PPM1H: variants seen among roughly 807,000 people sequenced by gnomAD.
PPM1H encodes protein phosphatase, Mg2+/Mn2+ dependent 1H.
PPM1H carries 27 observed loss-of-function variants against 54.9 expected under a neutral mutation model. That is an observed-to-expected ratio of 0.49 (90% confidence interval 0.36 to 0.68). PPM1H has a LOEUF of 0.68. PPM1H is among the 30% of genes least tolerant of loss of function. The pLI is 0.00. For synonymous variants in PPM1H, 305 were observed against 270.8 expected (o/e 1.13, Z -1.24); for missense variants, 596 against 667.8 (o/e 0.89, Z 1.19).
chr12:62,762,615 G>T lies in PPM1H; in HGVS notation c.870-25029C>A, dbSNP rs564245781. On this transcript the variant is annotated intron_variant, in intron 4 of 9. Transcript: ENST00000228705. ...TAGGGGGAGGATGCTAAGTGAAGAT[G>T]CTATACAATCTGCATCCTTTTTACA... Among the ~76,000 whole-genome samples the T allele has an allele frequency of 1.6e-4, 24 of 152,336 alleles. No individual in the cohort carries two copies. In the South Asian group the frequency reaches 5.0e-3, roughly 32 times the overall value.
chr12:62,664,157 G>T (rs1480929010), intron 9 of PPM1H, among the ~76,000 whole-genome samples: 2 of 152,102 alleles, frequency 1.3e-5, no homozygotes, highest in Non-Finnish European at 2.9e-5. Flanking sequence ...GGATCTTGTG[G>T]CCAGAGGTTC....
At chr12:62,794,984 C>G (rs2076723908) in intron 3 of PPM1H, among the ~76,000 whole-genome samples, 1 of 152,124 alleles carries the variant, frequency 6.6e-6, no homozygotes, top group African/African-American at 2.4e-5. Context: ...CGCTACATAG[C>G]CTTCACACTA....
chr12:62,837,319 A>G (rs144120443), intron 1 of PPM1H, among the ~76,000 whole-genome samples: 295 of 152,352 alleles, frequency 1.9e-3, no homozygotes, highest in African/African-American at 6.8e-3. Flanking sequence ...TAAGTACCTC[A>G]AGTATTCTCA....
At chr12:62,769,695 T>A (rs867550461) in intron 4 of PPM1H, among the ~76,000 whole-genome samples, 23 of 152,232 alleles carry the variant, frequency 1.5e-4, no homozygotes, top group Middle Eastern at 6.8e-3. Context: ...CCAAAAAGTA[T>A]CCAAGACATG....
chr12:62,727,849 C>T (rs991261326), intron 5 of PPM1H, among the ~76,000 whole-genome samples: 11 of 151,674 alleles, frequency 7.3e-5, no homozygotes, highest in Non-Finnish European at 1.0e-4. Context: ...TTAGTAGAGA[C>T]GGGGTTTCAC....
intron 1 of PPM1H, among the ~76,000 whole-genome samples, chr12:62,874,819 A>C (rs1353665767): frequency 2.0e-5 from 3 of 152,226 alleles, no homozygotes; most frequent in African/African-American, 7.2e-5. Context: ...TCCGTGCTTT[A>C]TGTTAATGTA....
chr12:62,693,039 G>A (rs1211958886), intron 7 of PPM1H, among the ~76,000 whole-genome samples: 1 of 151,852 alleles, frequency 6.6e-6, no homozygotes, highest in South Asian at 2.1e-4. Flanking sequence ...ATCGAATGCT[G>A]GAAAAATTAT....
rs1216445266 is a variant in PPM1H, at chr12:62,844,824, C to T, written c.246-12545G>A. On this transcript the variant is annotated intron_variant, in intron 1 of 9. Coordinates refer to ENST00000228705, the MANE Select transcript of PPM1H (RefSeq NM_020700.2). The surrounding 1 kb of genome is among the most constrained non-coding windows in gnomAD (Gnocchi z 5.2). ...ACTAGAATAATGACGGTGTTCTAAG[C>T]CTGCCTATATATTTCTTAAAGCTTA... Among the ~76,000 whole-genome samples the T allele has an allele frequency of 6.6e-6, 1 of 152,196 alleles. No individual in the cohort carries two copies. The highest frequency in any genetic ancestry group is 1.5e-5 in the Non-Finnish European group (1 of 68,040).
At chr12:62,803,105 G>T (rs185179075) in intron 2 of PPM1H, among the ~76,000 whole-genome samples, 2 of 152,226 alleles carry the variant, frequency 1.3e-5, no homozygotes, top group Admixed American at 1.3e-4. Flanking sequence ...TCTAGCCCAG[G>T]CCTCACAAGA....
intron 2 of PPM1H, among the ~76,000 whole-genome samples, chr12:62,825,786 G>C (rs191760067): frequency 1.4e-4 from 21 of 152,148 alleles, no homozygotes; most frequent in African/African-American, 5.1e-4. Context: ...TAATGAAAAT[G>C]ATGAGTTAAT....
chr12:62,784,272 T>C (rs779617933), intron 4 of PPM1H, among the ~76,000 whole-genome samples: 7 of 152,058 alleles, frequency 4.6e-5, no homozygotes, highest in Non-Finnish European at 1.0e-4. Context: ...ACATGAATGG[T>C]CCTATGTCCT....
At chr12:62,853,625 C>T (rs2120943488) in intron 1 of PPM1H, among the ~76,000 whole-genome samples, 1 of 152,168 alleles carries the variant, frequency 6.6e-6, no homozygotes, top group Admixed American at 6.5e-5. Context: ...CGCAACTTTC[C>T]GTCATCCAAA....
At chr12:62,882,519 G>T (rs972400516) in intron 1 of PPM1H, among the ~76,000 whole-genome samples, 1 of 152,242 alleles carries the variant, frequency 6.6e-6, no homozygotes, top group Non-Finnish European at 1.5e-5. Flanking sequence ...TAGAGACTTG[G>T]ATCAGACGCA....
At chr12:62,687,419 C>A (rs1238464602) in intron 8 of PPM1H, among the ~76,000 whole-genome samples, 1 of 152,116 alleles carries the variant, frequency 6.6e-6, no homozygotes, top group East Asian at 1.9e-4. Flanking sequence ...CATGTGCCAC[C>A]ACATCAAACT....
intron 6 of PPM1H, among the ~76,000 whole-genome samples, chr12:62,716,586 G>A (rs1565766668): frequency 6.6e-6 from 1 of 152,178 alleles, no homozygotes; most frequent in Non-Finnish European, 1.5e-5. Flanking sequence ...GAGTGCAGTG[G>A]CATAACCATG....
At chr12:62,774,472 G>A (rs150275701) in intron 4 of PPM1H, among the ~76,000 whole-genome samples, 332 of 152,258 alleles carry the variant, frequency 2.2e-3, no homozygotes, top group African/African-American at 7.8e-3. Context: ...CCCCTCAGTA[G>A]CTGGGACTAC....
chr12:62,842,358 T>G (rs540020275), intron 1 of PPM1H, among the ~76,000 whole-genome samples: 1 of 152,082 alleles, frequency 6.6e-6, no homozygotes, highest in Non-Finnish European at 1.5e-5. Flanking sequence ...AAAGTCAGTT[T>G]CAAATGTGTA....
Position 62,648,531 on chromosome 12 carries a change from A to G in PPM1H, c.1503T>C (p.Ser501=). The G allele has an allele frequency of 6.2e-6, 10 of 1,614,024 alleles. No homozygotes were observed. The highest frequency in any genetic ancestry group is 8.5e-6 in the Non-Finnish European group (10 of 1,179,898). The change falls in exon 10 of 10, where the codon TCT becomes TCC. Residue 501 remains serine, a synonymous_variant. Transcript: ENST00000228705. Reference sequence around the variant, plus strand: ...CATGTATTAAAGGAATGACATATACAGAAATGTCGTCTCCTGAGCCCAGTC... The same window carrying G: ...CATGTATTAAAGGAATGACATATACGGAAATGTCGTCTCCTGAGCCCAGTC... ...NDRLGSGDDI[S]VYVIPLIHGN...
intron 1 of PPM1H, among the ~76,000 whole-genome samples, chr12:62,871,443 A>C (rs1273710564): frequency 1.3e-5 from 2 of 152,082 alleles, no homozygotes; most frequent in Non-Finnish European, 2.9e-5. Flanking sequence ...GGGTGATAAA[A>C]AGTTCTAGAA....
Sources: gnomAD v4.1 joint callset for allele counts (sites outside exome capture counted in the v4.1 genomes callset) on GRCh38, gnomAD v4.1.1 for gene constraint, Gnocchi (gnomAD v3.1) non-coding constraint, MANE v1.5 for transcripts, NCBI Gene and HGNC (gene_info 2026-07-23, HGNC 2026-07-21) for gene names.